The following TXN2 variants were observed in gnomAD, a reference collection of about 807,000 sequenced individuals.
TXN2 encodes the protein thioredoxin, mitochondrial.
In TXN2, 12 loss-of-function variants were observed where a neutral mutation model predicts 14.6. The ratio of observed to expected loss-of-function variants is 0.82; its 90% CI spans 0.53 to 1.33. TXN2 has a LOEUF of 1.33. Among genes scored for constraint, TXN2 ranks in the 40% most tolerant of loss-of-function variants. TXN2 has a pLI of 0.00. For missense variants in TXN2, 173 were observed against 207.7 expected, an observed-to-expected ratio of 0.83 and a Z score of 1.03; for synonymous variants, 89 against 81.0, an observed-to-expected ratio of 1.10 and a Z score of -0.53.
chr22:36,480,334 C>T (rs1933473483), intron 2 of TXN2, among the ~76,000 whole-genome samples: 1 of 152,186 alleles, frequency 6.6e-6, no homozygotes, highest in Non-Finnish European at 1.5e-5. Flanking sequence ...TGACGCTGAG[C>T]TTTCTGGGGA....
At chr22:36,481,412 A>G (rs74672644) in intron 1 of TXN2, 152 bp downstream of exon 1, 10,021 of 179,210 alleles carry the variant, frequency 0.056, 318 homozygotes, top group East Asian at 0.11. Flanking sequence ...ACATGTGTGG[A>G]GGGAACTGGG....
intron 1 of TXN2, 94 bp from the exon 2 acceptor site, chr22:36,480,931 C>T (rs766143800): frequency 6.2e-5 from 84 of 1,363,058 alleles, no homozygotes; most frequent in Non-Finnish European, 2.5e-5. Context: ...CAGGAAGAGG[C>T]AGAGTTGGAA....
intron 3 of TXN2, among the ~76,000 whole-genome samples, chr22:36,475,808 GACAA>G (rs2145824785): frequency 6.6e-6 from 1 of 152,292 alleles, no homozygotes; most frequent in Non-Finnish European, 1.5e-5. Context: ...TGAATAAACA[GACAA>G]ACCAACCAAC....
At chr22:36,469,101 C>T (rs952252238) in intron 3 of TXN2, among the ~76,000 whole-genome samples, 10 of 152,156 alleles carry the variant, frequency 6.6e-5, no homozygotes, top group African/African-American at 1.4e-4. Context: ...CAGGTTCTGG[C>T]GGACGCAATC....
intron 2 of TXN2, 65 bp from the exon 3 acceptor site, chr22:36,476,921 C>A: frequency 6.3e-7 from 1 of 1,598,628 alleles, no homozygotes; most frequent in Non-Finnish European, 8.5e-7. Flanking sequence ...CTACTGGCTT[C>A]CCAGACCTGC....
intron 3 of TXN2, among the ~76,000 whole-genome samples, chr22:36,475,379 G>A (rs1018806930): frequency 5.3e-5 from 8 of 152,072 alleles, no homozygotes; most frequent in Admixed American, 1.3e-4. Flanking sequence ...ACTCTGTCTC[G>A]AAAAAACAAA....
intron 3 of TXN2, among the ~76,000 whole-genome samples, chr22:36,470,781 TAAAA>T (rs34939764): frequency 3.7e-5 from 5 of 136,580 alleles, no homozygotes; most frequent in Non-Finnish European, 6.4e-5. Context: ...ATAAAAATAT[TAAAA>T]AAAAAAAAAA....
chr22:36,467,699 C>G lies in TXN2; in HGVS notation c.*105G>C. 1 of 1,001,720 alleles carries G rather than the reference C, an allele frequency of 1.0e-6. No individual in the cohort carries two copies. Among genetic ancestry groups the G allele is most frequent in the Non-Finnish European group, 1.6e-6 (1 of 644,822 alleles). The allele number at this position is 1,001,720 out of a possible 1,614,324, so 62.1% of individuals were successfully genotyped here. On this transcript the variant is annotated 3_prime_UTR_variant, in exon 4 of 4. Coordinates refer to ENST00000216185, the MANE Select transcript of TXN2 (RefSeq NM_012473.4). ...TGGAGCCTGGGCTCTAAGCATGGGC[C>G]CCAGGAGCCAGACAGGAGGGAGGCA...
chr22:36,480,932 A>T, intron 1 of TXN2, 95 bp from the exon 2 acceptor site: 1 of 1,339,952 alleles, frequency 7.5e-7, no homozygotes, highest in Non-Finnish European at 9.9e-7. Context: ...AGGAAGAGGC[A>T]GAGTTGGAAG....
intron 3 of TXN2, among the ~76,000 whole-genome samples, chr22:36,472,155 G>A (rs974636981): frequency 1.3e-5 from 2 of 152,184 alleles, no homozygotes; most frequent in African/African-American, 2.4e-5. Context: ...AATGCCAAGT[G>A]CTTTGTAAAA....
rs778032940 is a variant in TXN2 at position 36,478,132 on chromosome 22, CAAAAAAA to C, written c.264-1283_264-1277del. ...AGCCTGGGCGACAGAGACTCTGTCT[CAAAAAAA>C]AAAAAAAAAAAAAAAGAGAAAGTGT... On this transcript the variant is annotated intron_variant, in intron 2 of 3. Coordinates refer to ENST00000216185, the MANE Select transcript of TXN2 (RefSeq NM_012473.4). Among the ~76,000 whole-genome samples the C allele has an allele frequency of 5.9e-5, 4 of 67,700 alleles. No homozygotes were observed. The Admixed American group carries it at 7.0e-4, about 12-fold the overall frequency. The allele number at this position is 67,700 out of a possible 152,430, so 44.4% of individuals were successfully genotyped here.
chr22:36,471,675 T>C (rs1469439273), intron 3 of TXN2, among the ~76,000 whole-genome samples: 1 of 152,102 alleles, frequency 6.6e-6, no homozygotes, highest in Admixed American at 6.6e-5. Context: ...TGTTCCAAAA[T>C]GATGTGGTGT....
At chr22:36,477,629 G>A (rs531839126) in intron 2 of TXN2, among the ~76,000 whole-genome samples, 1 of 152,294 alleles carries the variant, frequency 6.6e-6, no homozygotes, top group African/African-American at 2.4e-5. Flanking sequence ...CAAACACCAT[G>A]TGGACTCAGA....
chr22:36,475,031 T>G lies in TXN2; in HGVS notation c.387+1702A>C, dbSNP rs368764340. Among the ~76,000 whole-genome samples the G allele has an allele frequency of 3.9e-5, 6 of 152,228 alleles. No homozygotes were observed. In the East Asian group the frequency reaches 9.6e-4, roughly 24 times the overall value. On this transcript the variant is annotated intron_variant, in intron 3 of 3. Coordinates refer to ENST00000216185, the MANE Select transcript of TXN2 (RefSeq NM_012473.4). Reference sequence around the variant, plus strand: ...CCACATGCTTCAGTCACTCCCTTCCTGTTTTTGCCCAAAGGTCAGCTTATC... The same window carrying G: ...CCACATGCTTCAGTCACTCCCTTCCGGTTTTTGCCCAAAGGTCAGCTTATC...
intron 3 of TXN2, among the ~76,000 whole-genome samples, chr22:36,469,736 A>T (rs1603487494): frequency 6.6e-6 from 1 of 152,218 alleles, no homozygotes; most frequent in East Asian, 1.9e-4. Flanking sequence ...CGGGCAGATC[A>T]CTTGAGGTCA....
At position 36,476,772 on chromosome 22, in the gene TXN2, C is replaced by A. The variant is rs751197988; in HGVS notation, c.348G>T (p.Val116=). The change falls in exon 3 of 4, where the codon GTG becomes GTT. Residue 116 remains valine, a synonymous_variant. Transcript: ENST00000216185. ...KQHGKVVMAK[V]DIDDHTDLAI... The stretch of plus-strand genomic sequence containing the variant: ...CGAGGTCTGTGTGGTCATCAATATC[C>A]ACCTTGGCCATCACCACCTTCCCGT... 5.6e-6 allele frequency: 9 copies of A among 1,614,034 alleles called. No individual in the cohort carries two copies. In the Admixed American group the frequency reaches 1.5e-4, roughly 27 times the overall value.
rs1568980377 is a variant in TXN2 at position 36,481,548 on chromosome 22, C to A, written c.-1+16G>T. 7.0e-6 allele frequency: 7 copies of A among 998,696 alleles called. No individual in the cohort carries two copies. Among genetic ancestry groups the A allele is most frequent in the Non-Finnish European group, 8.4e-6 (7 of 828,678 alleles). 61.9% of individuals were successfully genotyped at this position (998,696 alleles called of 1,614,324 possible). On this transcript the variant is annotated intron_variant, in intron 1 of 3. Coordinates refer to ENST00000216185, the MANE Select transcript of TXN2 (RefSeq NM_012473.4). The stretch of plus-strand genomic sequence containing the variant: ...AGCCGCGACACCACCTCGAGCCACC[C>A]CCACAGGGCTCCTACCTCCCTGCAA...
rs1463337825 is a variant in TXN2, at chr22:36,480,488, A to G, written c.263+87T>C. 9.1e-6 allele frequency: 14 copies of G among 1,536,204 alleles called. No individual in the cohort carries two copies. In the Admixed American group the frequency reaches 2.3e-4, roughly 25 times the overall value. On this transcript the variant is annotated intron_variant, in intron 2 of 3. Transcript: ENST00000216185. ...TATATTGAGTCTACATATGAGCAGC[A>G]TAGAACATGGCCGTGGGACACAGCA...
At chr22:36,467,973 G>A in intron 3 of TXN2, 56 bp from the exon 4 acceptor site, 3 of 1,462,716 alleles carry the variant, frequency 2.1e-6, no homozygotes, top group East Asian at 2.3e-5. Context: ...CTTCTCAACT[G>A]CCACTCCTGA....
Sources: allele counts gnomAD v4.1 joint callset (sites outside exome capture counted in the v4.1 genomes callset), GRCh38; gene constraint gnomAD v4.1.1; transcripts MANE v1.5; gene names NCBI Gene and HGNC (gene_info 2026-07-23, HGNC 2026-07-21).